The following KLF12 variants were observed in gnomAD, a reference collection of about 807,000 sequenced individuals.
The protein encoded by KLF12 is Krueppel-like factor 12.
Under a neutral mutation model 37.8 loss-of-function variants are expected in KLF12, and 9 were observed. That is an observed-to-expected ratio of 0.24 (90% CI 0.14 to 0.42). The LOEUF is 0.42. Among genes scored for constraint, KLF12 ranks in the 10% least tolerant of loss-of-function variants. KLF12 has a pLI of 1.00. For synonymous variants in KLF12, 208 were observed against 202.1 expected (o/e 1.03, Z -0.25); for missense variants, 411 against 516.0 (o/e 0.80, Z 1.97).
the KLF12 span, among the ~76,000 whole-genome samples, chr13:74,267,620 G>T: frequency 6.6e-6 from 1 of 152,058 alleles, no homozygotes; most frequent in Admixed American, 6.6e-5. Context: ...TTGGTTAATG[G>T]GTACAAAATT....
chr13:73,889,759 A>G (rs942150060), intron 3 of KLF12, among the ~76,000 whole-genome samples: 3 of 152,152 alleles, frequency 2.0e-5, no homozygotes, highest in African/African-American at 7.2e-5. Flanking sequence ...AATTTAGAAA[A>G]GTTGAACAAG....
intron 3 of KLF12, among the ~76,000 whole-genome samples, chr13:73,885,664 G>C (rs1345120745): frequency 1.3e-5 from 2 of 152,130 alleles, no homozygotes; most frequent in Admixed American, 1.3e-4. Context: ...GAGAATTCTA[G>C]GAACAGAGAA....
chr13:73,751,884 G>T (rs1190465789), intron 6 of KLF12, among the ~76,000 whole-genome samples: 1 of 152,180 alleles, frequency 6.6e-6, no homozygotes, highest in African/African-American at 2.4e-5. Context: ...ATGTGCACGT[G>T]GGGTGAAGAA....
At chr13:73,699,886 C>T (rs1210733015) in intron 7 of KLF12, among the ~76,000 whole-genome samples, 2 of 152,108 alleles carry the variant, frequency 1.3e-5, no homozygotes, top group South Asian at 2.1e-4. Flanking sequence ...AATAAACAAT[C>T]GTGAAAAACA....
chr13:73,757,123 T>G (rs1879224470), intron 6 of KLF12, among the ~76,000 whole-genome samples: 1 of 152,134 alleles, frequency 6.6e-6, no homozygotes. Flanking sequence ...AAATTACACT[T>G]GTATCTCATA....
chr13:74,233,943 G>T, the KLF12 span, among the ~76,000 whole-genome samples: 1 of 152,036 alleles, frequency 6.6e-6, no homozygotes, highest in South Asian at 2.1e-4. Context: ...ACAACAAAAT[G>T]ACATACTTTG....
At chr13:73,983,687 T>C (rs567568510) in intron 2 of KLF12, among the ~76,000 whole-genome samples, 15 of 152,356 alleles carry the variant, frequency 9.8e-5, no homozygotes, top group Admixed American at 5.9e-4. Context: ...ATGTTTTCTC[T>C]TTCCTAAACT....
At chr13:74,080,191 CT>C (rs199839883) in intron 1 of KLF12, among the ~76,000 whole-genome samples, 3,470 of 152,162 alleles carry the variant, frequency 0.023, 131 homozygotes, top group African/African-American at 0.074. Context: ...TATCCCAATT[CT>C]TTGAGAGGCC....
chr13:73,735,949 T>TTC (rs1267406967), intron 6 of KLF12, among the ~76,000 whole-genome samples: 9 of 125,636 alleles, frequency 7.2e-5, no homozygotes, highest in African/African-American at 3.2e-4. Flanking sequence ...TTTTCTTTCT[T>TTC]TCTTTTTCTT....
At position 73,686,821 on chromosome 13, in the gene KLF12, T is replaced by C. The variant is rs1218191922; in HGVS notation, c.*8669A>G. ...TTGTAAACTAAAGGATGTTTCTGTA[T>C]TTTCACACGGACAGATCTCGTGATC... is the stretch of plus-strand genomic sequence containing the variant. On this transcript the variant is annotated 3_prime_UTR_variant, in exon 8 of 8. Transcript: ENST00000377669. 6.6e-6 allele frequency: 1 copy of C among 152,206 alleles called. No homozygotes were observed. Among genetic ancestry groups the C allele is most frequent in the Non-Finnish European group, 1.5e-5 (1 of 68,030 alleles). The allele number at this position is 152,206 out of a possible 1,614,324, so 9.4% of individuals were successfully genotyped here.
chr13:74,071,729 G>A (rs980947480), intron 1 of KLF12, among the ~76,000 whole-genome samples: 3 of 152,074 alleles, frequency 2.0e-5, no homozygotes, highest in Non-Finnish European at 4.4e-5. Flanking sequence ...ATGGCAAACC[G>A]AAATGGATTC....
At chr13:74,094,797 G>A (rs1482185848) in intron 1 of KLF12, among the ~76,000 whole-genome samples, 3 of 151,792 alleles carry the variant, frequency 2.0e-5, no homozygotes, top group East Asian at 1.9e-4. Flanking sequence ...ACAGGGTTTC[G>A]CCACGTTGGC....
chr13:74,174,903 C>T, the KLF12 span, among the ~76,000 whole-genome samples: 3 of 152,268 alleles, frequency 2.0e-5, no homozygotes, highest in African/African-American at 4.8e-5. Context: ...GGATATAAAT[C>T]ATATGAGATG....
At chr13:74,283,260 G>C in the KLF12 span, among the ~76,000 whole-genome samples, 73 of 152,198 alleles carry the variant, frequency 4.8e-4, 3 homozygotes, top group East Asian at 0.012. Flanking sequence ...TATTTTCAAC[G>C]TTTACTTCAT....
the KLF12 span, among the ~76,000 whole-genome samples, chr13:74,201,771 G>A: frequency 6.6e-6 from 1 of 151,990 alleles, no homozygotes; most frequent in Non-Finnish European, 1.5e-5. Flanking sequence ...TGCCAAGCAG[G>A]GCATTAATTT....
chr13:73,695,811 C>A, intron 7 of KLF12, 140 bp from the exon 8 acceptor site: 1 of 772,300 alleles, frequency 1.3e-6, no homozygotes, highest in East Asian at 2.6e-5. Flanking sequence ...CTTACCATCC[C>A]ACCAGCGGTC....
the KLF12 span, among the ~76,000 whole-genome samples, chr13:74,281,463 T>C: frequency 5.3e-5 from 8 of 152,198 alleles, no homozygotes; most frequent in Non-Finnish European, 1.0e-4. Flanking sequence ...GAGTTATTAA[T>C]CAAAGAAAAC....
intron 2 of KLF12, among the ~76,000 whole-genome samples, chr13:73,972,440 T>C (rs545361990): frequency 1.3e-5 from 2 of 152,010 alleles, no homozygotes; most frequent in East Asian, 1.9e-4. Flanking sequence ...CAGGCACATA[T>C]AGCCCATCTT....
intron 3 of KLF12, among the ~76,000 whole-genome samples, chr13:73,859,992 G>A (rs117649513): frequency 1.3e-5 from 2 of 152,074 alleles, no homozygotes; most frequent in Non-Finnish European, 2.9e-5. Context: ...AGTGCTCTTT[G>A]ATAAAACCAA....
Sources: allele counts gnomAD v4.1 joint callset (sites outside exome capture counted in the v4.1 genomes callset), GRCh38; gene constraint gnomAD v4.1.1; transcripts MANE v1.5; gene names NCBI Gene and HGNC (gene_info 2026-07-23, HGNC 2026-07-21).